Variants in SLC22A23 observed in about 807,000 individuals in gnomAD.
SLC22A23 encodes the protein ion transporter protein.
Under a neutral mutation model 61.0 loss-of-function variants are expected in SLC22A23, and 26 were observed. The observed-to-expected ratio is 0.43, with a 90% CI of 0.31 to 0.59. SLC22A23 has a LOEUF of 0.59. SLC22A23 is among the 20% of genes least tolerant of loss of function. The pLI is 0.11. For missense variants in SLC22A23, 796 were observed against 934.7 expected, an observed-to-expected ratio of 0.85 and a Z score of 1.94; for synonymous variants, 430 against 413.9, an observed-to-expected ratio of 1.04 and a Z score of -0.47.
At position 3,323,970 on chromosome 6, in the gene SLC22A23, T is replaced by C. The variant is rs1472512987; in HGVS notation, c.946A>G (p.Met316Val). 2 of 1,614,090 alleles carry C rather than the reference T, an allele frequency of 1.2e-6. No individual in the cohort carries two copies. The highest frequency in any genetic ancestry group is 2.2e-5 in the East Asian group (1 of 44,894). ...IELCPPGKRF[M>V]ITMVASFVAM... Reference sequence around the variant, plus strand: ...ACGAAGCTCGCCACCATCGTAATCATGAACCGTTTTCCAGGGGGGCACAGC... The same window carrying C: ...ACGAAGCTCGCCACCATCGTAATCACGAACCGTTTTCCAGGGGGGCACAGC... Residue 316 changes from methionine to valine, a missense_variant, in exon 4 of 10, where the codon ATG (methionine) becomes GTG (valine). Coordinates refer to ENST00000406686, the MANE Select transcript of SLC22A23 (RefSeq NM_015482.2).
intron 6 of SLC22A23, 82 bp downstream of exon 6, chr6:3,289,682 A>C: frequency 1.8e-6 from 2 of 1,121,232 alleles, no homozygotes; most frequent in African/African-American, 1.5e-5. Flanking sequence ...CGGGGTGGGG[A>C]GCAGGGCCCT....
intron 2 of SLC22A23, among the ~76,000 whole-genome samples, chr6:3,411,568 A>C (rs1464594171): frequency 6.6e-6 from 1 of 152,134 alleles, no homozygotes; most frequent in East Asian, 1.9e-4. Context: ...ACTAAAACTC[A>C]TTCCATTGTG....
intron 4 of SLC22A23, among the ~76,000 whole-genome samples, chr6:3,319,311 G>T (rs1762814528): frequency 6.6e-6 from 1 of 152,208 alleles, no homozygotes; most frequent in Admixed American, 6.5e-5. Flanking sequence ...TGCCTTGGCT[G>T]ATCCCCTTTG....
At chr6:3,420,768 T>C (rs1237934423) in intron 1 of SLC22A23, among the ~76,000 whole-genome samples, 1 of 152,216 alleles carries the variant, frequency 6.6e-6, no homozygotes, top group Non-Finnish European at 1.5e-5. Context: ...ATTAACCATA[T>C]ATGAAACACA....
rs1001189635 is a variant in SLC22A23 at position 3,427,960 on chromosome 6, G to A, written c.655-12105C>T. 5.3e-5 allele frequency among the ~76,000 whole-genome samples: 8 copies of A among 152,206 alleles called. No individual in the cohort carries two copies. The highest frequency in any genetic ancestry group is 1.4e-4 in the African/African-American group (6 of 41,458). On this transcript the variant is annotated intron_variant, in intron 1 of 9. Coordinates refer to ENST00000406686, the MANE Select transcript of SLC22A23 (RefSeq NM_015482.2). The surrounding 1 kb of genome is among the most constrained non-coding windows in gnomAD (Gnocchi z 4.3). ...GGTGGGGTGAGCCAGGAAGGCTCCC[G>A]ACCTTCCACTTCAGTGCCTCCGGCA...
chr6:3,362,202 G>A (rs567315603), intron 3 of SLC22A23, among the ~76,000 whole-genome samples: 4 of 151,670 alleles, frequency 2.6e-5, no homozygotes, highest in Non-Finnish European at 4.4e-5. Flanking sequence ...TCAGGAGTTC[G>A]AGACCAGCCT....
At chr6:3,400,925 G>T (rs946324857) in intron 3 of SLC22A23, among the ~76,000 whole-genome samples, 1 of 152,172 alleles carries the variant, frequency 6.6e-6, no homozygotes, top group Admixed American at 6.5e-5. Flanking sequence ...GCAAAAATAG[G>T]CATTACCGAC....
intron 3 of SLC22A23, among the ~76,000 whole-genome samples, chr6:3,394,104 T>C (rs1248631899): frequency 2.0e-5 from 3 of 152,056 alleles, no homozygotes; most frequent in Non-Finnish European, 4.4e-5. Flanking sequence ...GAAAATAAGG[T>C]CCAACCCAGA....
intron 9 of SLC22A23, among the ~76,000 whole-genome samples, chr6:3,275,373 AAAC>A (rs1376115017): frequency 6.6e-6 from 1 of 152,250 alleles, no homozygotes; most frequent in Admixed American, 6.5e-5. Flanking sequence ...TTCTAGAAGA[AAAC>A]AAGAGAAAAG....
At chr6:3,404,426 C>G (rs1768651076) in intron 3 of SLC22A23, among the ~76,000 whole-genome samples, 1 of 152,112 alleles carries the variant, frequency 6.6e-6, no homozygotes, top group South Asian at 2.1e-4. Context: ...CTTACATGCC[C>G]TAGAGACATT....
chr6:3,456,587 C>A lies in SLC22A23; in HGVS notation c.-28G>T. On this transcript the variant is annotated 5_prime_UTR_variant, in exon 1 of 10. Coordinates refer to ENST00000406686, the MANE Select transcript of SLC22A23 (RefSeq NM_015482.2). This position sits in a 1 kb window ranked among gnomAD's most constrained non-coding sequence, Gnocchi z 7.1. ...CCCGGGCCCGCGGCTCCCGCAGAGG[C>A]GCATAGAGCGCGGCGGAGGCTCCGC... 4 of 982,004 alleles carry A rather than the reference C, an allele frequency of 4.1e-6. No homozygotes were observed. The highest frequency in any genetic ancestry group is 4.8e-6 in the Non-Finnish European group (4 of 829,346). The allele number at this position is 982,004 out of a possible 1,614,324, so 60.8% of individuals were successfully genotyped here.
In SLC22A23 at chr6:3,287,031, C is replaced by T; in HGVS notation, c.1374G>A (p.Lys458=). The change falls in exon 7 of 10, where the codon AAG becomes AAA. Residue 458 remains lysine, a synonymous_variant. Transcript: ENST00000406686. The part of the protein sequence containing the change: ...FARSMMGHEV[K]VPLLENFYAD... Reference sequence around the variant, plus strand: ...CATAGAAGTTCTCCAGGAGCGGCACCTTCACCTCGTGGCCCATCATGCTCC... The same window carrying T: ...CATAGAAGTTCTCCAGGAGCGGCACTTTCACCTCGTGGCCCATCATGCTCC... 1.2e-6 allele frequency: 2 copies of T among 1,614,242 alleles called. No homozygotes were observed. The highest frequency in any genetic ancestry group is 1.7e-6 in the Non-Finnish European group (2 of 1,180,048).
rs758219369 is a variant in SLC22A23 at position 3,284,988 on chromosome 6, A to G, written c.1579+91T>C. ...GGAGGGCAACGGGGAGAAAGAGAAA[A>G]TGGAAACCACAGGTCCGTGAGTCTT... On this transcript the variant is annotated intron_variant, in intron 8 of 9. Coordinates refer to ENST00000406686, the MANE Select transcript of SLC22A23 (RefSeq NM_015482.2). 6 of 1,561,304 alleles carry G rather than the reference A, an allele frequency of 3.8e-6. No homozygotes were observed. The South Asian group carries it at 4.7e-5, about 12-fold the overall frequency.
At chr6:3,391,080 G>T (rs1239345173) in intron 3 of SLC22A23, among the ~76,000 whole-genome samples, 2 of 152,182 alleles carry the variant, frequency 1.3e-5, no homozygotes, top group Non-Finnish European at 2.9e-5. Context: ...GAGCTACAAT[G>T]AAAATAACAG....
rs1456652910 is a variant in SLC22A23 at position 3,390,593 on chromosome 6, G to A, written c.913+19595C>T. Among the ~76,000 whole-genome samples, 1 of 152,170 alleles carries A rather than the reference G, an allele frequency of 6.6e-6. No homozygotes were observed. Among genetic ancestry groups the A allele is most frequent in the Non-Finnish European group, 1.5e-5 (1 of 68,038 alleles). Reference sequence around the variant, plus strand: ...TTCGGGTTCACTTGCAGGTTTAAATGTTACCTAAGAATAACCTAATGCAGA... The same window carrying A: ...TTCGGGTTCACTTGCAGGTTTAAATATTACCTAAGAATAACCTAATGCAGA... On this transcript the variant is annotated intron_variant, in intron 3 of 9. Coordinates refer to ENST00000406686, the MANE Select transcript of SLC22A23 (RefSeq NM_015482.2). This position sits in a 1 kb window ranked among gnomAD's most constrained non-coding sequence, Gnocchi z 4.0.
At chr6:3,366,332 C>CAA (rs11387672) in intron 3 of SLC22A23, among the ~76,000 whole-genome samples, 1,313 of 74,098 alleles carry the variant, frequency 0.018, 110 homozygotes, top group African/African-American at 0.04. Flanking sequence ...GACTCTGTCT[C>CAA]AAAAAAAAAA....
chr6:3,415,647 T>C (rs1236937551), intron 2 of SLC22A23, 105 bp downstream of exon 2: 2 of 794,256 alleles, frequency 2.5e-6, no homozygotes, highest in African/African-American at 3.4e-5. Flanking sequence ...GCTCTGGCAC[T>C]GGGAAAAGAC....
chr6:3,302,416 A>ATGGTTT, intron 4 of SLC22A23, among the ~76,000 whole-genome samples: 1 of 152,228 alleles, frequency 6.6e-6, no homozygotes, highest in East Asian at 1.9e-4. Flanking sequence ...TGGTTTTGTT[A>ATGGTTT]GTCTCAATTT....
Position 3,307,190 on chromosome 6 carries a change from C to T in SLC22A23, c.1083-8972G>A, listed in dbSNP as rs115403385. Among the ~76,000 whole-genome samples, 942 of 152,320 alleles carry T rather than the reference C, an allele frequency of 6.2e-3. 6 individuals are homozygous for T. Among genetic ancestry groups the T allele is most frequent in the African/African-American group, 0.021 (883 of 41,558 alleles). ...TGAGGGTAGGCACAAAACCTGCACTCTCAGTGGCATGTCCAGGCAGGTGTC... is the reference window on the plus strand; with the variant it reads ...TGAGGGTAGGCACAAAACCTGCACTTTCAGTGGCATGTCCAGGCAGGTGTC... On this transcript the variant is annotated intron_variant, in intron 4 of 9. Coordinates refer to ENST00000406686, the MANE Select transcript of SLC22A23 (RefSeq NM_015482.2).
Sources: allele counts gnomAD v4.1 joint callset (sites outside exome capture counted in the v4.1 genomes callset), GRCh38; gene constraint gnomAD v4.1.1; non-coding constraint Gnocchi (gnomAD v3.1); transcripts MANE v1.5; gene names NCBI Gene and HGNC (gene_info 2026-07-23, HGNC 2026-07-21).